The following OPCML variants were observed in gnomAD, a reference collection of about 807,000 sequenced individuals.
The protein encoded by OPCML is opioid-binding protein/cell adhesion molecule.
In OPCML, 13 loss-of-function variants were observed where a neutral mutation model predicts 37.8. The ratio of observed to expected loss-of-function variants is 0.34; its 90% CI spans 0.22 to 0.55. The LOEUF (loss-of-function observed/expected upper bound fraction) is 0.55, where lower values mean the gene tolerates loss of function less well. OPCML is among the 20% of genes least tolerant of loss of function. The pLI, the probability that OPCML is intolerant of heterozygous loss-of-function variation, is 0.91. For synonymous variants in OPCML, 176 were observed against 168.8 expected (o/e 1.04, Z -0.33); for missense variants, 341 against 435.6 (o/e 0.78, Z 1.93).
Position 132,942,987 on chromosome 11 carries a change from C to A in OPCML, c.85G>T (p.Ala29Ser). ...IPGVPVRSGD[A>S]TFPKAMDNVT... ...TTGTCCATAGCTTTGGGGAAGGTGGCATCTCCGCTGCGCACGGGCACTCCT... is the reference window on the plus strand; with the variant it reads ...TTGTCCATAGCTTTGGGGAAGGTGGAATCTCCGCTGCGCACGGGCACTCCT... The change falls in exon 2 of 8, where the codon GCC becomes TCC. Residue 29 changes from alanine (A) to serine (S), a missense_variant. Physicochemically the swap from Ala to Ser is moderately conservative, Grantham distance 99 (BLOSUM62 1). Coordinates refer to ENST00000524381, the MANE Select transcript of OPCML (RefSeq NM_001012393.5). 3.1e-6 allele frequency: 5 copies of A among 1,614,176 alleles called. No homozygotes were observed. The highest frequency in any genetic ancestry group is 4.2e-6 in the Non-Finnish European group (5 of 1,180,020).
chr11:132,640,832 C>T (rs889823745), intron 3 of OPCML, among the ~76,000 whole-genome samples: 24 of 152,090 alleles, frequency 1.6e-4, no homozygotes, highest in African/African-American at 5.1e-4. Flanking sequence ...AGAAGTAGGG[C>T]GCTGCAGGGT....
chr11:132,595,771 C>A (rs1296159492), intron 3 of OPCML, among the ~76,000 whole-genome samples: 1 of 152,182 alleles, frequency 6.6e-6, no homozygotes, highest in Non-Finnish European at 1.5e-5. Flanking sequence ...GTGGCAGAGG[C>A]ATCAGCCATG....
In OPCML at chr11:132,982,876, C is replaced by T. The variant is rs143651133; in HGVS notation, c.62-39866G>A. Among the ~76,000 whole-genome samples the T allele has an allele frequency of 4.2e-3, 638 of 152,310 alleles. 4 individuals are homozygous for T. The highest frequency in any genetic ancestry group is 0.015 in the African/African-American group (604 of 41,572). ...CAAGACAGCTCCACTGAGCCCCCAG[C>T]GTGGGATGCATGCCAGAGCTTTCTT... On this transcript the variant is annotated intron_variant, in intron 1 of 7. Coordinates refer to ENST00000524381, the MANE Select transcript of OPCML (RefSeq NM_001012393.5).
intron 1 of OPCML, among the ~76,000 whole-genome samples, chr11:133,291,865 C>T (rs1486979493): frequency 2.0e-5 from 3 of 152,200 alleles, no homozygotes; most frequent in East Asian, 3.9e-4. Context: ...GCACACACAC[C>T]AAGCCTCCCA....
chr11:133,489,528 G>T (rs983821931), intron 1 of OPCML, among the ~76,000 whole-genome samples: 2 of 152,108 alleles, frequency 1.3e-5, no homozygotes, highest in African/African-American at 4.8e-5. Flanking sequence ...ACAATAAGAT[G>T]CTATCTTACA....
chr11:132,983,826 GTTAATGGCCTA>G (rs1398918130), intron 1 of OPCML, among the ~76,000 whole-genome samples: 12 of 152,306 alleles, frequency 7.9e-5, no homozygotes, highest in African/African-American at 2.9e-4. Context: ...AGCCAATTAT[GTTAATGGCCTA>G]TTAACATTCT....
intron 1 of OPCML, among the ~76,000 whole-genome samples, chr11:133,081,583 G>C (rs1295150587): frequency 6.6e-6 from 1 of 152,180 alleles, no homozygotes; most frequent in African/African-American, 2.4e-5. Context: ...CTCTTCTTGA[G>C]ATGACAGACG....
chr11:132,776,043 C>T (rs1946799096), intron 2 of OPCML, among the ~76,000 whole-genome samples: 1 of 152,176 alleles, frequency 6.6e-6, no homozygotes, highest in African/African-American at 2.4e-5. Flanking sequence ...GATTCTCCCA[C>T]CTCAGCCTCC....
At chr11:132,505,809 A>T (rs889125443) in intron 4 of OPCML, among the ~76,000 whole-genome samples, 1 of 152,118 alleles carries the variant, frequency 6.6e-6, no homozygotes, top group Non-Finnish European at 1.5e-5. Flanking sequence ...GAAAGAGCCA[A>T]CACACGTGGA....
At chr11:133,107,505 C>T (rs1592007564) in intron 1 of OPCML, among the ~76,000 whole-genome samples, 2 of 152,304 alleles carry the variant, frequency 1.3e-5, no homozygotes, top group Non-Finnish European at 1.5e-5. Flanking sequence ...CTGGCCCCAA[C>T]CTATTTATCC....
intron 1 of OPCML, among the ~76,000 whole-genome samples, chr11:133,084,169 G>C (rs1223603882): frequency 6.6e-6 from 1 of 152,018 alleles, no homozygotes; most frequent in East Asian, 1.9e-4. Context: ...TATAAATTAG[G>C]AAAGTAACTA....
intron 2 of OPCML, among the ~76,000 whole-genome samples, chr11:132,674,063 T>C (rs543014426): frequency 2.6e-5 from 4 of 152,304 alleles, no homozygotes; most frequent in Admixed American, 2.0e-4. Context: ...TCAAAGTGTT[T>C]AGATAAAGCA....
intron 1 of OPCML, among the ~76,000 whole-genome samples, chr11:133,128,075 C>A (rs1949544213): frequency 6.6e-6 from 1 of 152,146 alleles, no homozygotes; most frequent in Non-Finnish European, 1.5e-5. Context: ...TGATCTTCAG[C>A]TCCCCTCCTT....
chr11:132,695,195 G>A (rs1943558409), intron 2 of OPCML, among the ~76,000 whole-genome samples: 1 of 139,698 alleles, frequency 7.2e-6, no homozygotes, highest in African/African-American at 3.2e-5. Flanking sequence ...GAGAGAGAGT[G>A]AGAGACTGTT....
intron 7 of OPCML, among the ~76,000 whole-genome samples, chr11:132,433,687 T>A (rs1351575674): frequency 6.6e-6 from 1 of 152,078 alleles, no homozygotes. Context: ...TTAAGTGAGG[T>A]CATAAGGGTG....
At chr11:132,588,090 C>T (rs371836984) in intron 3 of OPCML, among the ~76,000 whole-genome samples, 105 of 152,198 alleles carry the variant, frequency 6.9e-4, no homozygotes, top group African/African-American at 2.3e-3. Context: ...GATCAGAAAA[C>T]CAGAGAAGTC....
intron 1 of OPCML, among the ~76,000 whole-genome samples, chr11:132,984,467 CTCT>C (rs1345053726): frequency 6.6e-6 from 1 of 152,174 alleles, no homozygotes; most frequent in African/African-American, 2.4e-5. Flanking sequence ...AATATTTATT[CTCT>C]TTTTTATCCT....
intron 2 of OPCML, among the ~76,000 whole-genome samples, chr11:132,888,059 AGT>A (rs1943492374): frequency 6.6e-6 from 1 of 152,030 alleles, no homozygotes; most frequent in African/African-American, 2.4e-5. Context: ...TTTGGATGAG[AGT>A]GTGGAAGAGA....
chr11:133,062,335 T>A (rs886742063), intron 1 of OPCML, among the ~76,000 whole-genome samples: 21 of 152,246 alleles, frequency 1.4e-4, no homozygotes, highest in African/African-American at 5.1e-4. Context: ...CTTAAATCTC[T>A]CAGGTCCTTT....
Sources: allele counts gnomAD v4.1 joint callset (sites outside exome capture counted in the v4.1 genomes callset), GRCh38; gene constraint gnomAD v4.1.1; transcripts MANE v1.5; gene names NCBI Gene and HGNC (gene_info 2026-07-23, HGNC 2026-07-21).